Variants in TM9SF3 observed in about 807,000 individuals in gnomAD.
TM9SF3 encodes the protein transmembrane 9 superfamily member 3.
TM9SF3 carries 14 observed loss-of-function variants against 78.6 expected under a neutral mutation model. The ratio of observed to expected loss-of-function variants is 0.18; its 90% confidence interval spans 0.12 to 0.28. The LOEUF (loss-of-function observed/expected upper bound fraction) is 0.28. Ranked by LOEUF, TM9SF3 falls within the 10% of genes least tolerant of loss-of-function variation. The pLI is 1.00. For synonymous variants in TM9SF3, 231 were observed against 241.7 expected (o/e 0.96, Z 0.41); for missense variants, 496 against 721.9 (o/e 0.69, Z 3.59).
chr10:96,576,559 T>C (rs1352903904), intron 2 of TM9SF3, 75 bp downstream of exon 2: 1 of 1,327,522 alleles, frequency 7.5e-7, no homozygotes, highest in Non-Finnish European at 1.0e-6. Context: ...CCAACACCAG[T>C]GTCAATAGTG....
At chr10:96,584,649 T>C (rs1848609795) in intron 1 of TM9SF3, among the ~76,000 whole-genome samples, 1 of 152,144 alleles carries the variant, frequency 6.6e-6, no homozygotes, top group Non-Finnish European at 1.5e-5. Flanking sequence ...ATCCCCTTTC[T>C]ACTAAAAATA....
rs1417797643 is a variant in TM9SF3, at chr10:96,518,311, A to C, written c.*3952T>G. Reference sequence around the variant, plus strand: ...AATAATTGTTTCCTTGGAACTCTGCACCGACTGTCCATGCTCTGTGGGGAC... The same window carrying C: ...AATAATTGTTTCCTTGGAACTCTGCCCCGACTGTCCATGCTCTGTGGGGAC... On this transcript the variant is annotated 3_prime_UTR_variant, in exon 15 of 15. Transcript: ENST00000371142. 6.6e-6 allele frequency: 1 copy of C among 152,172 alleles called. No homozygotes were observed. The highest frequency in any genetic ancestry group is 1.5e-5 in the Non-Finnish European group (1 of 68,008). 9.4% of individuals were successfully genotyped at this position (152,172 alleles called of 1,614,324 possible).
At chr10:96,582,564 G>A (rs1409756829) in intron 1 of TM9SF3, among the ~76,000 whole-genome samples, 1 of 152,034 alleles carries the variant, frequency 6.6e-6, no homozygotes, top group Non-Finnish European at 1.5e-5. Context: ...AGAAGCCTAT[G>A]TCCCTTCAAT....
intron 1 of TM9SF3, among the ~76,000 whole-genome samples, chr10:96,580,765 T>A (rs1848558086): frequency 6.6e-6 from 1 of 152,212 alleles, no homozygotes. Context: ...AATAAATACA[T>A]ACTATGAGCT....
At chr10:96,572,525 C>CT (rs35050136) in intron 2 of TM9SF3, among the ~76,000 whole-genome samples, 14,724 of 131,524 alleles carry the variant, frequency 0.11, 1,034 homozygotes, top group Non-Finnish European at 0.17. Context: ...AACGCATTTT[C>CT]TTTTTTTTTT....
chr10:96,575,970 C>A (rs974324039), intron 2 of TM9SF3, among the ~76,000 whole-genome samples: 1 of 152,060 alleles, frequency 6.6e-6, no homozygotes, highest in African/African-American at 2.4e-5. Flanking sequence ...TAACTAGATA[C>A]GATGAAGTAT....
intron 9 of TM9SF3, among the ~76,000 whole-genome samples, chr10:96,538,781 T>C (rs894759534): frequency 1.2e-4 from 19 of 152,134 alleles, no homozygotes; most frequent in Non-Finnish European, 7.4e-5. Context: ...TTCAACATGA[T>C]TAGTCATTAG....
At chr10:96,553,849 A>G (rs1481051306) in intron 5 of TM9SF3, among the ~76,000 whole-genome samples, 6 of 152,166 alleles carry the variant, frequency 3.9e-5, no homozygotes, top group Non-Finnish European at 8.8e-5. Context: ...AGCATATCTG[A>G]TTTGAACTAG....
intron 11 of TM9SF3, among the ~76,000 whole-genome samples, chr10:96,528,469 T>C (rs1352305541): frequency 1.3e-5 from 2 of 151,952 alleles, no homozygotes; most frequent in Non-Finnish European, 2.9e-5. Context: ...AAAGAACAAA[T>C]GAAAATAGCT....
intron 9 of TM9SF3, 125 bp downstream of exon 9, chr10:96,543,951 C>A: frequency 9.8e-7 from 1 of 1,020,884 alleles, no homozygotes; most frequent in South Asian, 2.3e-5. Context: ...TCTAACTTTC[C>A]AGGACTGAGT....
chr10:96,583,627 T>C (rs1848598842), intron 1 of TM9SF3, among the ~76,000 whole-genome samples: 1 of 151,860 alleles, frequency 6.6e-6, no homozygotes, highest in Non-Finnish European at 1.5e-5. Context: ...AGATGTGTGT[T>C]ATCTGCAGGT....
Position 96,543,341 on chromosome 10 carries a change from A to ATTTTTTTTT in TM9SF3, c.1185+734_1185+735insAAAAAAAAA, listed in dbSNP as rs747592959. Among the ~76,000 whole-genome samples, 10 of 8,492 alleles carry ATTTTTTTTT rather than the reference A, an allele frequency of 1.2e-3. 1 individual carries two copies. Among genetic ancestry groups the ATTTTTTTTT allele is most frequent in the South Asian group, 5.9e-3 (1 of 170 alleles). The allele number at this position is 8,492 out of a possible 152,430, so 5.6% of individuals were successfully genotyped here. A position where few individuals can be genotyped will look rare whatever the true frequency, so the allele number is the denominator to read the frequency against. Reference sequence around the variant, plus strand: ...ATTATTTACAAAAATGCTTAGTGAGATTCTTTTTTTTGAGATGGAGTCTGG... The same window carrying ATTTTTTTTT: ...ATTATTTACAAAAATGCTTAGTGAGATTTTTTTTTTTCTTTTTTTTGAGATGGAGTCTGG... On this transcript the variant is annotated intron_variant, in intron 9 of 14. Coordinates refer to ENST00000371142, the MANE Select transcript of TM9SF3 (RefSeq NM_020123.4).
intron 14 of TM9SF3, among the ~76,000 whole-genome samples, chr10:96,526,155 TTAAA>T (rs1157155433): frequency 6.6e-6 from 1 of 152,084 alleles, no homozygotes; most frequent in East Asian, 1.9e-4. Flanking sequence ...GGAAGAAAGG[TTAAA>T]TAATTTGGCC....
At chr10:96,569,236 C>A (rs908442313) in intron 2 of TM9SF3, among the ~76,000 whole-genome samples, 1 of 152,272 alleles carries the variant, frequency 6.6e-6, no homozygotes, top group East Asian at 1.9e-4. Context: ...TTTCCTTGGG[C>A]CTCACACCCC....
chr10:96,572,526 T>TC, intron 2 of TM9SF3, among the ~76,000 whole-genome samples: 1 of 101,778 alleles, frequency 9.8e-6, no homozygotes, highest in East Asian at 2.1e-4. Flanking sequence ...ACGCATTTTC[T>TC]TTTTTTTTTT....
chr10:96,576,867 A>AC lies in TM9SF3; in HGVS notation c.103-39_103-38insG, dbSNP rs758592260. On this transcript the variant is annotated intron_variant, in intron 1 of 14. Coordinates refer to ENST00000371142, the MANE Select transcript of TM9SF3 (RefSeq NM_020123.4). Reference sequence around the variant, plus strand: ...AAGCAAACAAGAATTAAAAAAAAAAAACACACTAATTCAAATTAAGGGAAT... The same window carrying AC: ...AAGCAAACAAGAATTAAAAAAAAAAACACACACTAATTCAAATTAAGGGAAT... The AC allele has an allele frequency of 8.1e-5, 116 of 1,434,490 alleles. No individual in the cohort carries two copies. The African/African-American group carries it at 9.0e-4, about 11-fold the overall frequency. 88.9% of individuals were successfully genotyped at this position (1,434,490 alleles called of 1,614,324 possible). A position where few individuals can be genotyped will look rare whatever the true frequency, so the allele number is the denominator to read the frequency against.
intron 7 of TM9SF3, among the ~76,000 whole-genome samples, chr10:96,548,797 C>CAAAAA (rs5787196): frequency 6.8e-5 from 4 of 58,456 alleles, no homozygotes; most frequent in Admixed American, 1.7e-4. Flanking sequence ...GACTCCATCT[C>CAAAAA]AAAAAAAAAA....
Position 96,527,303 on chromosome 10 carries a change from A to G in TM9SF3, c.1626-14T>C. 1 of 1,605,994 alleles carries G rather than the reference A, an allele frequency of 6.2e-7. No homozygotes were observed. Among genetic ancestry groups the G allele is most frequent in the African/African-American group, 1.3e-5 (1 of 74,802 alleles). ...AAGCCATACATCCTGAAATAAAACA[A>G]AATATATATAGGATATCCAGTTTTA... On this transcript the variant is annotated splice_polypyrimidine_tract_variant and intron_variant, in intron 13 of 14. Transcript: ENST00000371142.
rs779815620 is a variant in TM9SF3 at position 96,530,527 on chromosome 10, T to C, written c.1394+13A>G. ...CAAATCCCTCAAAACATAAATACAT[T>C]ATCAAAACTTACATTTCAATAAAGA... On this transcript the variant is annotated intron_variant, in intron 11 of 14. Coordinates refer to ENST00000371142, the MANE Select transcript of TM9SF3 (RefSeq NM_020123.4). 6.9e-6 allele frequency: 11 copies of C among 1,602,054 alleles called. No homozygotes were observed. Among genetic ancestry groups the C allele is most frequent in the African/African-American group, 4.0e-5 (3 of 74,312 alleles).
Sources: gnomAD v4.1 joint callset for allele counts (sites outside exome capture counted in the v4.1 genomes callset) on GRCh38, gnomAD v4.1.1 for gene constraint, MANE v1.5 for transcripts, NCBI Gene and HGNC (gene_info 2026-07-23, HGNC 2026-07-21) for gene names.